Variants in PCBP2 observed in about 807,000 individuals in gnomAD.
PCBP2 encodes the protein poly(rC) binding protein 2, also known as poly(rC)-binding protein 2.
A neutral mutation model predicts 50.1 loss-of-function variants in PCBP2; 4 were observed. The observed-to-expected ratio is 0.08, with a 90% CI of 0.04 to 0.18. The LOEUF is 0.18. Among genes scored for constraint, PCBP2 ranks in the 10% least tolerant of loss-of-function variants. The pLI, the probability that PCBP2 is intolerant of heterozygous loss-of-function variation, is 1.00. For missense variants in PCBP2, 161 were observed against 474.3 expected (o/e 0.34, Z 6.14); for synonymous variants, 179 against 168.0 (o/e 1.07, Z -0.51).
intron 9 of PCBP2, among the ~76,000 whole-genome samples, chr12:53,465,628 C>T (rs986227331): frequency 2.0e-5 from 3 of 152,060 alleles, no homozygotes; most frequent in South Asian, 2.1e-4. Context: ...CTTGGTCAGT[C>T]GAGGCATTGC....
Position 53,479,622 on chromosome 12 carries a change from T to A in PCBP2, c.*180T>A. The A allele has an allele frequency of 2.2e-6, 1 of 460,616 alleles. No individual in the cohort carries two copies. Among genetic ancestry groups the A allele is most frequent in the Admixed American group, 3.5e-5 (1 of 28,900 alleles). The allele number at this position is 460,616 out of a possible 1,614,324, so 28.5% of individuals were successfully genotyped here. A position where few individuals can be genotyped will look rare whatever the true frequency, so the allele number is the denominator to read the frequency against. On this transcript the variant is annotated 3_prime_UTR_variant, in exon 15 of 15. Transcript: ENST00000546463. Reference sequence around the variant, plus strand: ...AAAGCGTTTTAATTCCTTTCTCTGTTCAGCTGTTGATGCTGAGATCCATAT... The same window carrying A: ...AAAGCGTTTTAATTCCTTTCTCTGTACAGCTGTTGATGCTGAGATCCATAT...
chr12:53,455,001 T>C, intron 2 of PCBP2, 132 bp downstream of exon 2: 2 of 775,712 alleles, frequency 2.6e-6, no homozygotes, highest in East Asian at 5.0e-5. Context: ...CCTAATGGAG[T>C]AGAAGTGAGT....
At chr12:53,478,871 A>ATT (rs35546014) in intron 14 of PCBP2, among the ~76,000 whole-genome samples, 54 of 148,050 alleles carry the variant, frequency 3.6e-4, no homozygotes, top group African/African-American at 4.2e-4. Flanking sequence ...TCTTTTTAAC[A>ATT]TTTTTTTTTT....
intron 12 of PCBP2, 179 bp downstream of exon 12, chr12:53,468,022 C>A: frequency 3.3e-6 from 2 of 597,124 alleles, no homozygotes; most frequent in African/African-American, 1.9e-5. Context: ...TGGCCAACCC[C>A]CTTCTAAAAA....
At chr12:53,455,197 A>G (rs546221246) in intron 2 of PCBP2, 150 bp from the exon 3 acceptor site, 4 of 727,210 alleles carry the variant, frequency 5.5e-6, no homozygotes, top group African/African-American at 1.8e-5. Context: ...AATAATTAGC[A>G]TAGATAGCAG....
Position 53,479,672 on chromosome 12 carries a change from T to TTTTTTTTTTTTGG in PCBP2, c.*231_*243dup, listed in dbSNP as rs1555209673. 6 of 286,938 alleles carry TTTTTTTTTTTTGG rather than the reference T, an allele frequency of 2.1e-5. No homozygotes were observed. The highest frequency in any genetic ancestry group is 1.1e-4 in the African/African-American group (5 of 43,650). The allele number at this position is 286,938 out of a possible 1,614,324, so 17.8% of individuals were successfully genotyped here. ...TTTAGTTTTATAAGCTTCTCCCTGG[T>TTTTTTTTTTTTGG]TTTTTTTTTTTGGCTCATGAATTTT... On this transcript the variant is annotated 3_prime_UTR_variant, in exon 15 of 15. Transcript: ENST00000546463.
At chr12:53,477,621 G>A (rs1592692187) in intron 14 of PCBP2, among the ~76,000 whole-genome samples, 3 of 123,072 alleles carry the variant, frequency 2.4e-5, no homozygotes, top group African/African-American at 9.3e-5. Flanking sequence ...AGCCGAGACC[G>A]CGCCACTGTA....
chr12:53,475,037 T>A, intron 14 of PCBP2: 1 of 456,162 alleles, frequency 2.2e-6, no homozygotes, highest in Non-Finnish European at 4.4e-6. Flanking sequence ...TCCCCAACCC[T>A]CTTCCGACCG....
intron 14 of PCBP2, among the ~76,000 whole-genome samples, chr12:53,473,019 C>T (rs1438694051): frequency 6.6e-6 from 1 of 151,994 alleles, no homozygotes; most frequent in African/African-American, 2.4e-5. Context: ...TGGTCAGGCT[C>T]GTCTCCAACT....
rs756725675 is a variant in PCBP2, at chr12:53,479,421, G to A, written c.1068G>A (p.Thr356=). ...YLINVRLSSE[T]GGMGSS is the part of the protein sequence containing the mutation. Reference sequence around the variant, plus strand: ...TGTGTTACAGGCTTTCCTCGGAGACGGGTGGCATGGGGAGCAGCTAGAACA... The same window carrying A: ...TGTGTTACAGGCTTTCCTCGGAGACAGGTGGCATGGGGAGCAGCTAGAACA... Residue 356 remains threonine, a synonymous_variant, in exon 15 of 15, where the codon ACG becomes ACA. Coordinates refer to ENST00000546463, the MANE Select transcript of PCBP2 (RefSeq NM_031989.5). 9 of 1,613,934 alleles carry A rather than the reference G, an allele frequency of 5.6e-6. No homozygotes were observed. The African/African-American group carries it at 6.7e-5, about 12-fold the overall frequency.
chr12:53,469,815 C>T (rs1425362252), intron 13 of PCBP2, among the ~76,000 whole-genome samples: 1 of 141,208 alleles, frequency 7.1e-6, no homozygotes, highest in Non-Finnish European at 1.5e-5. Context: ...AGGCTTGGCT[C>T]ACTGTGACCT....
In PCBP2 at chr12:53,481,056, C is replaced by A; in HGVS notation, c.*1614C>A. 1 of 300,776 alleles carries A rather than the reference C, an allele frequency of 3.3e-6. No homozygotes were observed. The highest frequency in any genetic ancestry group is 5.4e-6 in the Non-Finnish European group (1 of 185,704). The allele number at this position is 300,776 out of a possible 1,614,324, so 18.6% of individuals were successfully genotyped here. ...AATTGGTCAGGGGATCAGTCTCCCT[C>A]GAGCCTGACTTACGGCTGGGACAGC... is the stretch of plus-strand genomic sequence containing the variant. On this transcript the variant is annotated 3_prime_UTR_variant, in exon 15 of 15. Coordinates refer to ENST00000546463, the MANE Select transcript of PCBP2 (RefSeq NM_031989.5).
intron 14 of PCBP2, among the ~76,000 whole-genome samples, chr12:53,478,042 C>G (rs1942755148): frequency 6.6e-6 from 1 of 152,176 alleles, no homozygotes; most frequent in Non-Finnish European, 1.5e-5. Context: ...CCTGAAAGCC[C>G]TAAATTGGAT....
intron 6 of PCBP2, chr12:53,460,144 TC>T (rs1941349265): frequency 4.4e-6 from 1 of 228,036 alleles, no homozygotes; most frequent in African/African-American, 2.4e-5. Flanking sequence ...TAATTCTACA[TC>T]TTTTTTTTTT....
chr12:53,476,949 A>T (rs1942627244), intron 14 of PCBP2, among the ~76,000 whole-genome samples: 1 of 152,164 alleles, frequency 6.6e-6, no homozygotes, highest in African/African-American at 2.4e-5. Context: ...TCTTAACCTA[A>T]TGGCTATTCC....
intron 14 of PCBP2, among the ~76,000 whole-genome samples, chr12:53,477,111 T>A (rs915846325): frequency 2.0e-5 from 3 of 152,144 alleles, no homozygotes; most frequent in African/African-American, 4.8e-5. Flanking sequence ...CCCTTCTCCC[T>A]GCGTCACCTC....
chr12:53,475,182 CTG>C (rs1279312417), intron 14 of PCBP2: 1 of 456,418 alleles, frequency 2.2e-6, no homozygotes, highest in African/African-American at 2.0e-5. Flanking sequence ...AACTAACAAA[CTG>C]AAAGGCGAGA....
chr12:53,456,485 T>C (rs1468926056), intron 5 of PCBP2, among the ~76,000 whole-genome samples: 1 of 151,714 alleles, frequency 6.6e-6, no homozygotes, highest in African/African-American at 2.4e-5. Context: ...ACTTGAATCA[T>C]CAAAACAGTT....
chr12:53,454,747 C>T lies in PCBP2; in HGVS notation c.-54C>T. ...TTAGTTTTTGGCTTTCACCCCCAAC[C>T]AGTGACCAAAGACTTGACCACTCAA... On this transcript the variant is annotated 5_prime_UTR_variant, in exon 2 of 15. Transcript: ENST00000546463. 4 of 1,485,880 alleles carry T rather than the reference C, an allele frequency of 2.7e-6. No individual in the cohort carries two copies. Among genetic ancestry groups the T allele is most frequent in the Non-Finnish European group, 3.8e-6 (4 of 1,063,820 alleles). The allele number at this position is 1,485,880 out of a possible 1,614,324, so 92.0% of individuals were successfully genotyped here.
Sources: allele counts gnomAD v4.1 joint callset (sites outside exome capture counted in the v4.1 genomes callset), GRCh38; gene constraint gnomAD v4.1.1; transcripts MANE v1.5; gene names NCBI Gene and HGNC (gene_info 2026-07-23, HGNC 2026-07-21).